Variants in DAB1 observed in about 807,000 individuals in gnomAD.
The protein encoded by DAB1 is DAB adaptor protein 1.
DAB1 carries 15 observed loss-of-function variants against 64.6 expected under a neutral mutation model. The observed-to-expected ratio is 0.23, with a 90% CI of 0.16 to 0.36. DAB1 has a LOEUF of 0.36. Ranked by LOEUF, DAB1 falls within the 10% of genes least tolerant of loss-of-function variation. DAB1 has a pLI of 1.00. For missense variants in DAB1, 596 were observed against 706.7 expected, an observed-to-expected ratio of 0.84 and a Z score of 1.78; for synonymous variants, 235 against 251.9, an observed-to-expected ratio of 0.93 and a Z score of 0.64.
chr1:58,483,430 T>C (rs1487773620), intron 3 of DAB1, among the ~76,000 whole-genome samples: 1 of 152,112 alleles, frequency 6.6e-6, no homozygotes, highest in Admixed American at 6.5e-5. Flanking sequence ...GGCAGAAGCT[T>C]GGGTCTAGGA....
intron 4 of DAB1, among the ~76,000 whole-genome samples, chr1:58,176,455 A>G (rs559838014): frequency 6.6e-6 from 1 of 152,336 alleles, no homozygotes; most frequent in South Asian, 2.1e-4. Context: ...TTGTGTGACT[A>G]TAACAGAATA....
intron 4 of DAB1, among the ~76,000 whole-genome samples, chr1:58,215,758 G>A (rs950736707): frequency 9.2e-5 from 14 of 152,258 alleles, no homozygotes; most frequent in Middle Eastern, 3.4e-3. Flanking sequence ...AGCTGCATAA[G>A]AGCCACTGAG....
At chr1:57,705,766 G>A (rs149638847) in intron 6 of DAB1, among the ~76,000 whole-genome samples, 4 of 151,616 alleles carry the variant, frequency 2.6e-5, no homozygotes, top group South Asian at 2.1e-4. Context: ...TGCTTATTAC[G>A]TCTCTCTCCT....
chr1:58,384,350 C>T lies in DAB1; in HGVS notation n.258-40947G>A, dbSNP rs181266159. ...ATCTAAATAGTCATGTTGAAGTAGA[C>T]GATAGAATGGTGGTTATGAGGGGAT... On this transcript the variant is annotated intron_variant and non_coding_transcript_variant, in intron 3 of 20. Coordinates refer to the DAB1 transcript ENST00000485760. Among the ~76,000 whole-genome samples the T allele has an allele frequency of 1.9e-3, 294 of 152,098 alleles. 9 individuals carry two copies. The South Asian group carries it at 0.053, about 28-fold the overall frequency.
intron 1 of DAB1, among the ~76,000 whole-genome samples, chr1:57,305,988 A>AAAG (rs1674123739): frequency 6.7e-6 from 1 of 148,534 alleles, no homozygotes; most frequent in African/African-American, 2.5e-5. Flanking sequence ...AAAAAAAAGA[A>AAAG]AAAAGAAAAG....
At chr1:57,482,730 T>C (rs1644039334) in intron 7 of DAB1, among the ~76,000 whole-genome samples, 1 of 152,218 alleles carries the variant, frequency 6.6e-6, no homozygotes, top group Non-Finnish European at 1.5e-5. Flanking sequence ...CACCCCAATA[T>C]TTAATGAGAT....
At chr1:57,795,692 TATATATATA>T (rs1193131218) in intron 6 of DAB1, among the ~76,000 whole-genome samples, 1 of 20,546 alleles carries the variant, frequency 4.9e-5, no homozygotes, top group African/African-American at 1.7e-4. Flanking sequence ...TGCTTGGAGA[TATATATATA>T]TATATATATA....
At chr1:57,390,388 G>A (rs1682248541) in intron 1 of DAB1, among the ~76,000 whole-genome samples, 1 of 152,160 alleles carries the variant, frequency 6.6e-6, no homozygotes, top group African/African-American at 2.4e-5. Flanking sequence ...ATGAGATAAT[G>A]TCTACGAAAA....
intron 1 of DAB1, among the ~76,000 whole-genome samples, chr1:57,385,743 A>C (rs1424063463): frequency 1.3e-5 from 2 of 152,156 alleles, no homozygotes; most frequent in Non-Finnish European, 2.9e-5. Flanking sequence ...GTTAGAACAA[A>C]ATGCAATTTA....
intron 3 of DAB1, among the ~76,000 whole-genome samples, chr1:58,352,021 G>C (rs1644063388): frequency 1.3e-5 from 2 of 151,532 alleles, no homozygotes; most frequent in Non-Finnish European, 2.9e-5. Context: ...TCTGCCACTG[G>C]GTCCTCTTCT....
chr1:57,194,363 G>A (rs76645059), intron 2 of DAB1, among the ~76,000 whole-genome samples: 9,245 of 152,190 alleles, frequency 0.061, 552 homozygotes, highest in African/African-American at 0.15. Context: ...GTGATTTCAC[G>A]TAAGGTGCTG....
intron 4 of DAB1, among the ~76,000 whole-genome samples, chr1:58,315,481 T>C (rs1662536961): frequency 2.6e-5 from 4 of 152,168 alleles, no homozygotes; most frequent in African/African-American, 4.8e-5. Flanking sequence ...CCCTGAGCAA[T>C]TTCTATGTGC....
intron 4 of DAB1, among the ~76,000 whole-genome samples, chr1:58,336,862 C>G (rs1663128506): frequency 6.6e-6 from 1 of 152,158 alleles, no homozygotes; most frequent in South Asian, 2.1e-4. Flanking sequence ...GGTCATACAA[C>G]TGATTTAGTA....
intron 6 of DAB1, among the ~76,000 whole-genome samples, chr1:57,679,733 T>G (rs1646614404): frequency 5.9e-5 from 9 of 152,184 alleles, no homozygotes; most frequent in Admixed American, 5.9e-4. Context: ...GGGAGAGACA[T>G]ATAATTTTCA....
intron 3 of DAB1, among the ~76,000 whole-genome samples, chr1:58,462,109 GTTTC>G (rs1212589185): frequency 0.011 from 1,466 of 133,796 alleles, 69 homozygotes; most frequent in African/African-American, 0.034. Flanking sequence ...ATCTGAGAAG[GTTTC>G]TTTTTTTTTT....
At chr1:57,696,704 A>G (rs951626179) in intron 6 of DAB1, among the ~76,000 whole-genome samples, 1 of 152,136 alleles carries the variant, frequency 6.6e-6, no homozygotes, top group African/African-American at 2.4e-5. Context: ...TATGTACTCT[A>G]CACAAGCGTG....
At chr1:57,854,451 C>G (rs1653667749) in intron 1 of DAB1, among the ~76,000 whole-genome samples, 1 of 152,146 alleles carries the variant, frequency 6.6e-6, no homozygotes, top group African/African-American at 2.4e-5. Flanking sequence ...CATCAAATCT[C>G]TAAGTAACAC....
intron 7 of DAB1, among the ~76,000 whole-genome samples, chr1:57,604,088 T>A (rs1645606857): frequency 1.3e-5 from 2 of 152,176 alleles, no homozygotes; most frequent in African/African-American, 2.4e-5. Flanking sequence ...TCCTGTCACC[T>A]CAATGGGTAT....
Position 56,997,500 on chromosome 1 carries a change from A to G in DAB1, c.*644T>C, listed in dbSNP as rs2101600453. 6.6e-6 allele frequency: 1 copy of G among 151,516 alleles called. No homozygotes were observed. The highest frequency in any genetic ancestry group is 2.0e-4 in the East Asian group (1 of 5,108). The allele number at this position is 151,516 out of a possible 1,614,324, so 9.4% of individuals were successfully genotyped here. ...TTTTTCTCCCCAGTTAGATTTCTTC[A>G]CCCATATCTAAAAAAAGTCAAAAGC... is the stretch of plus-strand genomic sequence containing the variant. On this transcript the variant is annotated 3_prime_UTR_variant, in exon 15 of 15. Transcript: ENST00000371236.
Sources: allele counts gnomAD v4.1 joint callset (sites outside exome capture counted in the v4.1 genomes callset), GRCh38; gene constraint gnomAD v4.1.1; transcripts MANE v1.5; gene names NCBI Gene and HGNC (gene_info 2026-07-23, HGNC 2026-07-21).